Variants in ANKRD31 observed in about 807,000 individuals in gnomAD.
ANKRD31 encodes ankyrin repeat domain-containing protein 31.
Under a neutral mutation model 186.0 loss-of-function variants are expected in ANKRD31, and 147 were observed. That is an observed-to-expected ratio of 0.79 (90% CI 0.69 to 0.91). The LOEUF is 0.91. Ranked by LOEUF, ANKRD31 falls within the 40% of genes least tolerant of loss-of-function variation. The pLI is 0.00. For missense variants in ANKRD31, 1,986 were observed against 2,148.8 expected, an observed-to-expected ratio of 0.92 and a Z score of 1.50; for synonymous variants, 673 against 736.4, an observed-to-expected ratio of 0.91 and a Z score of 1.39.
At position 75,068,629 on chromosome 5, in the gene ANKRD31, A is replaced by G; in HGVS notation, c.5683T>C (p.Tyr1895His). Reference protein sequence around the residue: ...SRESMQSSPRYLQINEILLIS... With the variant: ...SRESMQSSPRHLQINEILLIS... The stretch of plus-strand genomic sequence containing the variant: ...AATAGTATTTCATTTATTTGTAGAT[A>G]ACGTGGGCTGCTTTGCATTGACTCT... The change falls in exon 26 of 26, where the codon TAT (tyrosine) becomes CAT (histidine). Residue 1895 changes from tyrosine to histidine, a missense_variant. Tyr to His is a moderately conservative substitution (Grantham distance 83). Transcript: ENST00000506364. 1 of 1,523,576 alleles carries G rather than the reference A, an allele frequency of 6.6e-7. No homozygotes were observed. Among genetic ancestry groups the G allele is most frequent in the Non-Finnish European group, 8.8e-7 (1 of 1,141,254 alleles). The allele number at this position is 1,523,576 out of a possible 1,614,324, so 94.4% of individuals were successfully genotyped here. A position where few individuals can be genotyped will look rare whatever the true frequency, so the allele number is the denominator to read the frequency against.
rs142669493 is a variant in ANKRD31, at chr5:75,144,836, G to A, written c.3425-665C>T. On this transcript the variant is annotated intron_variant, in intron 14 of 25. Transcript: ENST00000506364. ...CTACTGAATGGAAGAAAATTTTTGCGATCTATCCATCTGACAAAGGGCTAA... is the reference window on the plus strand; with the variant it reads ...CTACTGAATGGAAGAAAATTTTTGCAATCTATCCATCTGACAAAGGGCTAA... 3.3e-3 allele frequency among the ~76,000 whole-genome samples: 509 copies of A among 152,010 alleles called. 3 individuals are homozygous for A. The highest frequency in any genetic ancestry group is 8.6e-3 in the African/African-American group (357 of 41,492).
intron 22 of ANKRD31, among the ~76,000 whole-genome samples, chr5:75,103,880 G>A (rs1344964629): frequency 6.6e-6 from 1 of 152,184 alleles, no homozygotes; most frequent in East Asian, 1.9e-4. Context: ...AGAGCATTAG[G>A]AAAAATAGCT....
At chr5:75,093,245 C>A (rs1746063504) in intron 22 of ANKRD31, among the ~76,000 whole-genome samples, 1 of 152,158 alleles carries the variant, frequency 6.6e-6, no homozygotes, top group Admixed American at 6.5e-5. Context: ...CTTAGGGAGG[C>A]TGAGACAGGC....
chr5:75,159,369 T>G (rs1196157283), intron 11 of ANKRD31, among the ~76,000 whole-genome samples: 1 of 152,160 alleles, frequency 6.6e-6, no homozygotes, highest in East Asian at 1.9e-4. Flanking sequence ...AAAGCATTAA[T>G]GCACACATCT....
chr5:75,180,877 C>A (rs918447525), intron 10 of ANKRD31, among the ~76,000 whole-genome samples: 6 of 152,158 alleles, frequency 3.9e-5, no homozygotes, highest in African/African-American at 1.4e-4. Flanking sequence ...CCAAAACTGA[C>A]AAATGGGATT....
chr5:75,082,864 G>C (rs531115336), intron 24 of ANKRD31, among the ~76,000 whole-genome samples: 1 of 152,236 alleles, frequency 6.6e-6, no homozygotes, highest in South Asian at 2.1e-4. Flanking sequence ...AAAATAACAA[G>C]TATTGCAGAG....
chr5:75,132,201 G>A (rs113274378), intron 17 of ANKRD31, among the ~76,000 whole-genome samples: 31,176 of 152,032 alleles, frequency 0.21, 3,416 homozygotes, highest in South Asian at 0.39. Context: ...TCAGACGATC[G>A]GTAAGAACAA....
At chr5:75,131,728 C>A (rs1749853359) in intron 17 of ANKRD31, among the ~76,000 whole-genome samples, 3 of 152,202 alleles carry the variant, frequency 2.0e-5, no homozygotes, top group Admixed American at 2.0e-4. Flanking sequence ...GGGTCTGTGA[C>A]CCCCAAGTAG....
At chr5:75,207,268 T>C (rs957713982) in intron 4 of ANKRD31, among the ~76,000 whole-genome samples, 4 of 152,186 alleles carry the variant, frequency 2.6e-5, no homozygotes, top group African/African-American at 9.6e-5. Flanking sequence ...TGTCTTCAGA[T>C]AAAAATGAAG....
Position 75,147,176 on chromosome 5 carries a change from A to G in ANKRD31, c.2235T>C (p.Cys745=). The part of the protein sequence containing the change: ...HKRTQVDDVD[C]NPRKILAVSP... Reference sequence around the variant, plus strand: ...AGACAGCTAGTATCTTTCTTGGATTACAGTCTACATCATCTACTTGGGTCC... The same window carrying G: ...AGACAGCTAGTATCTTTCTTGGATTGCAGTCTACATCATCTACTTGGGTCC... The change falls in exon 14 of 26, where the codon TGT becomes TGC. Residue 745 remains cysteine, a synonymous_variant. Coordinates refer to ENST00000506364, the MANE Select transcript of ANKRD31 (RefSeq NM_001372053.1). 1 of 1,536,290 alleles carries G rather than the reference A, an allele frequency of 6.5e-7. No homozygotes were observed. The highest frequency in any genetic ancestry group is 8.7e-7 in the Non-Finnish European group (1 of 1,146,280).
At chr5:75,176,514 G>A (rs1246967613) in intron 10 of ANKRD31, among the ~76,000 whole-genome samples, 6 of 152,108 alleles carry the variant, frequency 3.9e-5, no homozygotes, top group Admixed American at 6.6e-5. Flanking sequence ...TCACATGGCC[G>A]GGTACTCCTC....
intron 22 of ANKRD31, among the ~76,000 whole-genome samples, chr5:75,099,573 G>C (rs1746643523): frequency 6.6e-6 from 1 of 152,002 alleles, no homozygotes; most frequent in Non-Finnish European, 1.5e-5. Context: ...GACTTTTTTT[G>C]GTTGGTAGGC....
intron 15 of ANKRD31, among the ~76,000 whole-genome samples, chr5:75,139,639 C>G (rs1750860635): frequency 6.6e-6 from 1 of 152,086 alleles, no homozygotes; most frequent in Non-Finnish European, 1.5e-5. Flanking sequence ...AGGACAAAGA[C>G]TTCAACACAT....
At chr5:75,205,257 T>C (rs1319368725) in intron 5 of ANKRD31, among the ~76,000 whole-genome samples, 2 of 152,230 alleles carry the variant, frequency 1.3e-5, no homozygotes, top group African/African-American at 4.8e-5. Context: ...CATTATGAAC[T>C]CATGGTCTTT....
rs1027940978 is a variant in ANKRD31, at chr5:75,138,055, A to G, written c.3734-57T>C. 4.4e-6 allele frequency: 6 copies of G among 1,361,606 alleles called. No individual in the cohort carries two copies. In the African/African-American group the frequency reaches 8.8e-5, roughly 20 times the overall value. 84.3% of individuals were successfully genotyped at this position (1,361,606 alleles called of 1,614,324 possible). A position where few individuals can be genotyped will look rare whatever the true frequency, so the allele number is the denominator to read the frequency against. On this transcript the variant is annotated intron_variant, in intron 16 of 25. Coordinates refer to ENST00000506364, the MANE Select transcript of ANKRD31 (RefSeq NM_001372053.1). ...GCTTCATGCGAATCAATACTCATGT[A>G]ATATCTGTATTACTAAGGTTTTGTT...
At chr5:75,230,021 C>T (rs1299858246) in intron 2 of ANKRD31, among the ~76,000 whole-genome samples, 2 of 152,030 alleles carry the variant, frequency 1.3e-5, no homozygotes, top group African/African-American at 4.8e-5. Flanking sequence ...GGTTCACTGG[C>T]ATGTCTAAAT....
chr5:75,157,411 T>C (rs1478637378), intron 11 of ANKRD31, among the ~76,000 whole-genome samples: 1 of 152,050 alleles, frequency 6.6e-6, no homozygotes, highest in Admixed American at 6.6e-5. Flanking sequence ...TATAGTAAAA[T>C]GTGAGGAGAA....
rs1368078704 is a variant in ANKRD31 at position 75,206,423 on chromosome 5, G to T, written c.391C>A (p.Gln131Lys). ...CATGAAAACATACCTTCAATATTTT[G>T]GTGGTTCAATGAAAGTCCAGACTGG... ...FRQSGLSLNH[Q>K]NIEGPEAESP... Residue 131 changes from glutamine (Q) to lysine (K), a missense_variant, in exon 5 of 26, where the codon CAA becomes AAA. Gln to Lys is a moderately conservative substitution (Grantham distance 53, BLOSUM62 1). Coordinates refer to ENST00000506364, the MANE Select transcript of ANKRD31 (RefSeq NM_001372053.1). The T allele has an allele frequency of 2.0e-6, 3 of 1,472,608 alleles. No homozygotes were observed. Among genetic ancestry groups the T allele is most frequent in the South Asian group, 1.4e-5 (1 of 71,542 alleles). The allele number at this position is 1,472,608 out of a possible 1,614,324, so 91.2% of individuals were successfully genotyped here. A position where few individuals can be genotyped will look rare whatever the true frequency, so the allele number is the denominator to read the frequency against.
chr5:75,185,194 C>T (rs1754618040), intron 10 of ANKRD31, among the ~76,000 whole-genome samples: 1 of 152,062 alleles, frequency 6.6e-6, no homozygotes, highest in South Asian at 2.1e-4. Flanking sequence ...ATAGTGGTTA[C>T]TACAGACTGA....
Sources: allele counts gnomAD v4.1 joint callset (sites outside exome capture counted in the v4.1 genomes callset), GRCh38; gene constraint gnomAD v4.1.1; transcripts MANE v1.5; gene names NCBI Gene and HGNC (gene_info 2026-07-23, HGNC 2026-07-21).